The following PID1 variants were observed in gnomAD, a reference collection of about 807,000 sequenced individuals.
The protein encoded by PID1 is PTB-containing, cubilin and LRP1-interacting protein.
A neutral mutation model predicts 19.1 loss-of-function variants in PID1; 10 were observed. The observed-to-expected ratio is 0.52, with a 90% CI of 0.32 to 0.89. The LOEUF is 0.89. PID1 is among the 40% of genes least tolerant of loss of function. The pLI, the probability that PID1 is intolerant of heterozygous loss-of-function variation, is 0.03. For synonymous variants in PID1, 130 were observed against 116.0 expected (o/e 1.12, Z -0.78); for missense variants, 248 against 285.3 (o/e 0.87, Z 0.94).
At chr2:229,263,576 GC>G (rs752494520) in intron 1 of PID1, among the ~76,000 whole-genome samples, 15 of 152,166 alleles carry the variant, frequency 9.9e-5, no homozygotes, top group Non-Finnish European at 1.6e-4. Flanking sequence ...ACCATCTGCT[GC>G]CTGAACAAGC....
intron 2 of PID1, among the ~76,000 whole-genome samples, chr2:229,028,435 T>C (rs1693473289): frequency 6.6e-6 from 1 of 152,174 alleles, no homozygotes; most frequent in Non-Finnish European, 1.5e-5. Flanking sequence ...AATTGTGGTG[T>C]TTACGCACCA....
chr2:229,267,778 A>T (rs1690630857), intron 1 of PID1, among the ~76,000 whole-genome samples: 1 of 152,196 alleles, frequency 6.6e-6, no homozygotes, highest in African/African-American at 2.4e-5. Context: ...TACAAATTTT[A>T]AAATTTCAAG....
chr2:229,231,785 T>A (rs1389856721), intron 1 of PID1: 26 of 1,368,368 alleles, frequency 1.9e-5, no homozygotes, highest in East Asian at 1.3e-4. Context: ...GTCTCAATAG[T>A]CCAGATGTGT....
intron 1 of PID1, among the ~76,000 whole-genome samples, chr2:229,189,958 T>C (rs1478683032): frequency 6.6e-6 from 1 of 152,174 alleles, no homozygotes; most frequent in African/African-American, 2.4e-5. Context: ...ATTGCTAATA[T>C]CGGTATCAGT....
chr2:229,106,299 A>T (rs1695178509), intron 2 of PID1, among the ~76,000 whole-genome samples: 1 of 152,134 alleles, frequency 6.6e-6, no homozygotes, highest in Admixed American at 6.6e-5. Context: ...AGTTATCATG[A>T]TTACCACTTT....
intron 2 of PID1, among the ~76,000 whole-genome samples, chr2:229,105,522 T>A (rs548494191): frequency 7.9e-5 from 12 of 152,352 alleles, no homozygotes; most frequent in African/African-American, 2.9e-4. Context: ...GAGTGTGAAC[T>A]TGACAGCCCT....
chr2:229,166,313 C>T (rs10171031), intron 1 of PID1, among the ~76,000 whole-genome samples: 5 of 124,056 alleles, frequency 4.0e-5, no homozygotes, highest in African/African-American at 1.1e-4. Flanking sequence ...TAGTGAGGAA[C>T]GAAGAGAGGA....
intron 2 of PID1, among the ~76,000 whole-genome samples, chr2:229,093,141 T>C (rs1028372121): frequency 9.3e-5 from 14 of 150,784 alleles, no homozygotes; most frequent in Non-Finnish European, 1.5e-4. Context: ...TCTTTTTCTT[T>C]TTTTTTTTTG....
At chr2:229,048,132 G>A (rs1693920082) in intron 2 of PID1, among the ~76,000 whole-genome samples, 1 of 152,184 alleles carries the variant, frequency 6.6e-6, no homozygotes, top group Non-Finnish European at 1.5e-5. Context: ...TTTGTTGGGT[G>A]TGAATAAATC....
intron 2 of PID1, among the ~76,000 whole-genome samples, chr2:229,056,915 G>A (rs973553149): frequency 2.0e-5 from 3 of 152,142 alleles, no homozygotes; most frequent in African/African-American, 7.2e-5. Context: ...GTAGCTAGAA[G>A]AGACAACGTA....
intron 2 of PID1, among the ~76,000 whole-genome samples, chr2:229,070,502 A>T (rs772128276): frequency 3.9e-5 from 6 of 152,206 alleles, no homozygotes; most frequent in Non-Finnish European, 8.8e-5. Flanking sequence ...AACACACAAG[A>T]TGTAGCTAAG....
At chr2:229,215,868 C>T (rs940479751) in intron 1 of PID1, among the ~76,000 whole-genome samples, 12 of 152,130 alleles carry the variant, frequency 7.9e-5, no homozygotes, top group South Asian at 2.1e-4. Context: ...ACACAGTAAA[C>T]GATTTGTGTT....
At chr2:229,161,702 C>G (rs1000800362) in intron 1 of PID1, among the ~76,000 whole-genome samples, 1 of 152,088 alleles carries the variant, frequency 6.6e-6, no homozygotes, top group African/African-American at 2.4e-5. Flanking sequence ...AAGACAAAGC[C>G]CTCCGAGGTA....
chr2:229,249,825 ACAGGAGTATGATCCCCCAGGCAGAGCAGG>A (rs1690105080), intron 1 of PID1, among the ~76,000 whole-genome samples: 1 of 112,996 alleles, frequency 8.8e-6, no homozygotes, highest in Non-Finnish European at 2.2e-5. Context: ...CAGGCGGCTG[ACAGGAGTATGATCCCCCAGGCAGAGCAGG>A]CGGCTGACAG....
chr2:229,214,192 A>G (rs1691796240), intron 1 of PID1, among the ~76,000 whole-genome samples: 1 of 152,208 alleles, frequency 6.6e-6, no homozygotes, highest in Non-Finnish European at 1.5e-5. Context: ...CCTGTTTTAC[A>G]GTGTGGAACA....
intron 1 of PID1, among the ~76,000 whole-genome samples, chr2:229,219,992 C>T (rs2106257545): frequency 6.6e-6 from 1 of 152,040 alleles, no homozygotes; most frequent in Non-Finnish European, 1.5e-5. Flanking sequence ...CTGTAAATTC[C>T]ATGACACCAT....
At chr2:229,175,688 A>T (rs1358850723) in intron 1 of PID1, among the ~76,000 whole-genome samples, 1 of 152,218 alleles carries the variant, frequency 6.6e-6, no homozygotes, top group African/African-American at 2.4e-5. Context: ...AGACAATACA[A>T]AGAGGGATGG....
At position 229,037,294 on chromosome 2, in the gene PID1, C is replaced by G. The variant is rs980588199; in HGVS notation, c.178-11186G>C. On this transcript the variant is annotated intron_variant, in intron 2 of 2. Coordinates refer to ENST00000392055, the MANE Select transcript of PID1 (RefSeq NM_001100818.2). The stretch of plus-strand genomic sequence containing the variant: ...ACCACGGAGGAAAAAGCAAATTTAC[C>G]AAGACCCAATATCAAGGAATAACTA... Among the ~76,000 whole-genome samples, 6 of 151,986 alleles carry G rather than the reference C, an allele frequency of 3.9e-5. No individual in the cohort carries two copies. In the South Asian group the frequency reaches 8.3e-4, roughly 21 times the overall value.
chr2:229,057,435 G>A (rs183834818), intron 2 of PID1, among the ~76,000 whole-genome samples: 223 of 147,652 alleles, frequency 1.5e-3, no homozygotes, highest in African/African-American at 5.3e-3. Flanking sequence ...CAGCCTGAGC[G>A]ACAGGGCCAA....
Sources: allele counts gnomAD v4.1 joint callset (sites outside exome capture counted in the v4.1 genomes callset), GRCh38; gene constraint gnomAD v4.1.1; transcripts MANE v1.5; gene names NCBI Gene and HGNC (gene_info 2026-07-23, HGNC 2026-07-21).